The following CCDC7 variants were observed in gnomAD, a reference collection of about 807,000 sequenced individuals.
CCDC7 encodes coiled-coil domain-containing protein 7.
A neutral mutation model predicts 196.9 loss-of-function variants in CCDC7; 183 were observed. The ratio of observed to expected loss-of-function variants is 0.93; its 90% CI spans 0.82 to 1.05. The LOEUF is 1.05. Among genes scored for constraint, CCDC7 ranks in the 50% least tolerant of loss-of-function variants. The pLI is 0.00. For synonymous variants in CCDC7, 525 were observed against 484.6 expected (o/e 1.08, Z -1.10); for missense variants, 1,540 against 1,482.2 (o/e 1.04, Z -0.64).
At chr10:32,658,429 A>G (rs1421062177) in intron 20 of CCDC7, among the ~76,000 whole-genome samples, 1 of 131,282 alleles carries the variant, frequency 7.6e-6, no homozygotes, top group African/African-American at 3.1e-5. Flanking sequence ...GCAAAGGGGG[A>G]AAAACCTCTT....
chr10:32,854,594 A>G (rs2093681220), intron 41 of CCDC7, 105 bp downstream of exon 42: 1 of 700,456 alleles, frequency 1.4e-6, no homozygotes, highest in African/African-American at 1.9e-5. Context: ...TCTTCAAACA[A>G]CCAACCTTAT....
chr10:32,801,817 C>T (rs2084849175), intron 29 of CCDC7, among the ~76,000 whole-genome samples: 3 of 152,096 alleles, frequency 2.0e-5, no homozygotes, highest in African/African-American at 7.2e-5. Flanking sequence ...CTGATGGCAG[C>T]GTGGGTCATA....
chr10:32,821,185 T>A (rs1264834966), intron 31 of CCDC7, among the ~76,000 whole-genome samples: 1 of 152,198 alleles, frequency 6.6e-6, no homozygotes, highest in Non-Finnish European at 1.5e-5. Context: ...AGAAGACATT[T>A]ATGCAGCCAA....
chr10:32,818,013 A>G (rs1158942933), intron 31 of CCDC7, among the ~76,000 whole-genome samples: 1 of 152,234 alleles, frequency 6.6e-6, no homozygotes, highest in Non-Finnish European at 1.5e-5. Flanking sequence ...TAAATAGGCT[A>G]AATGCTCTAA....
At chr10:32,756,256 A>G (rs2076421398) in intron 28 of CCDC7, among the ~76,000 whole-genome samples, 1 of 152,188 alleles carries the variant, frequency 6.6e-6, no homozygotes, top group South Asian at 2.1e-4. Flanking sequence ...AATACAGAGA[A>G]CACCACAAAG....
chr10:32,511,254 TGGGGGGCGG>T lies in CCDC7; in HGVS notation c.873-6679_873-6671del, dbSNP rs1256578522. ...CTTGTCCTGCCACAGAATTATTCTG[TGGGGGGCGG>T]GGGGGGCGGGGAAATGTACTTTTTG... On this transcript the variant is annotated intron_variant, in intron 9 of 41. Coordinates refer to ENST00000639629, the Ensembl canonical transcript of CCDC7. The T allele has an allele frequency of 3.5e-5, 21 of 594,032 alleles. 2 individuals are homozygous for T. The highest frequency in any genetic ancestry group is 1.1e-4 in the African/African-American group (2 of 18,208). The allele number at this position is 594,032 out of a possible 1,614,324, so 36.8% of individuals were successfully genotyped here.
At chr10:32,806,000 G>A (rs961595063) in intron 30 of CCDC7, among the ~76,000 whole-genome samples, 3 of 152,160 alleles carry the variant, frequency 2.0e-5, no homozygotes, top group Admixed American at 6.5e-5. Context: ...AAGGGGGAAG[G>A]TGCTACATAC....
At chr10:32,700,143 G>C (rs1179618053) in intron 24 of CCDC7, among the ~76,000 whole-genome samples, 2 of 149,452 alleles carry the variant, frequency 1.3e-5, no homozygotes, top group Non-Finnish European at 2.9e-5. Flanking sequence ...CCTATGTCCT[G>C]AATGGTATTG....
At chr10:32,739,200 T>C (rs1178244814) in intron 28 of CCDC7, among the ~76,000 whole-genome samples, 1 of 152,100 alleles carries the variant, frequency 6.6e-6, no homozygotes, top group Non-Finnish European at 1.5e-5. Flanking sequence ...TCGAAAATTC[T>C]TAGCCATTAT....
chr10:32,526,010 G>A (rs907527127), intron 11 of CCDC7, among the ~76,000 whole-genome samples: 2 of 152,190 alleles, frequency 1.3e-5, no homozygotes, highest in Admixed American at 1.3e-4. Flanking sequence ...CTTCAGGGTG[G>A]TGTGTTCCCC....
chr10:32,511,593 G>A, intron 9 of CCDC7: 5 of 1,603,996 alleles, frequency 3.1e-6, no homozygotes, highest in Non-Finnish European at 4.3e-6. Flanking sequence ...GCTTGTTCAA[G>A]TGGATCCAAC....
chr10:32,458,455 TTGCATGTG>T lies in CCDC7; in HGVS notation c.456+2124_456+2131del, dbSNP rs370214761. Reference sequence around the variant, plus strand: ...TTTGAAGAGTATGTTGTGTGTGTGTTTGCATGTGTGTGTGTGTGTGTGTGTGCTTTTTT... The same window carrying T: ...TTTGAAGAGTATGTTGTGTGTGTGTTTGTGTGTGTGTGTGTGTGCTTTTTT... On this transcript the variant is annotated intron_variant, in intron 3 of 41. Coordinates refer to ENST00000639629, the Ensembl canonical transcript of CCDC7. 7.9e-3 allele frequency among the ~76,000 whole-genome samples: 457 copies of T among 58,188 alleles called. 2 individuals carry two copies. The highest frequency in any genetic ancestry group is 0.017 in the African/African-American group (417 of 24,018). The allele number at this position is 58,188 out of a possible 152,430, so 38.2% of individuals were successfully genotyped here.
At chr10:32,756,113 G>T (rs1488664972) in intron 28 of CCDC7, among the ~76,000 whole-genome samples, 1 of 152,168 alleles carries the variant, frequency 6.6e-6, no homozygotes, top group Non-Finnish European at 1.5e-5. Flanking sequence ...TATGGGAAAA[G>T]ACCAAATCTA....
intron 28 of CCDC7, among the ~76,000 whole-genome samples, chr10:32,772,344 G>C (rs992037227): frequency 6.6e-6 from 1 of 152,206 alleles, no homozygotes; most frequent in Admixed American, 6.5e-5. Context: ...ACAGCAGAAA[G>C]CTGAGTCCCA....
At chr10:32,852,767 TAAAAGGA>T (rs2093612094) in intron 40 of CCDC7, among the ~76,000 whole-genome samples, 1 of 151,980 alleles carries the variant, frequency 6.6e-6, no homozygotes. Context: ...ACATGCAATA[TAAAAGGA>T]AAAAGAAAAC....
chr10:32,729,458 G>C lies in CCDC7; in HGVS notation c.2905+1G>C. ...CAAGCTAAAGTAACTTCAAGAAAAAGTAAGTAATTATTTATAAATCTTATA... is the reference window on the plus strand; with the variant it reads ...CAAGCTAAAGTAACTTCAAGAAAAACTAAGTAATTATTTATAAATCTTATA... On this transcript the variant is annotated splice_donor_variant, in intron 28 of 41. Transcript: ENST00000639629. LOFTEE classifies it high-confidence loss of function. The C allele has an allele frequency of 8.3e-7, 1 of 1,197,932 alleles. No individual in the cohort carries two copies. The highest frequency in any genetic ancestry group is 1.5e-5 in the South Asian group (1 of 65,500). 74.2% of individuals were successfully genotyped at this position (1,197,932 alleles called of 1,614,324 possible).
chr10:32,848,087 G>C lies in CCDC7; in HGVS notation c.3772+171G>C, dbSNP rs535183651. 2.0e-5 allele frequency among the ~76,000 whole-genome samples: 3 copies of C among 152,232 alleles called. No individual in the cohort carries two copies. The East Asian group carries it at 5.8e-4, about 29-fold the overall frequency. On this transcript the variant is annotated intron_variant, in intron 38 of 41. Transcript: ENST00000639629. ...CGTATTATCAATGGGAAATTAGCTA[G>C]AAAGTTTTAAAACCTCTAGACAATG... is the stretch of plus-strand genomic sequence containing the variant.
chr10:32,834,852 A>T, exon 33 of CCDC7: 1 of 1,470,466 alleles, frequency 6.8e-7, no homozygotes, highest in Non-Finnish European at 9.5e-7. Flanking sequence ...TTAATGGAAA[A>T]GATATAATAA....
At chr10:32,460,526 C>T (rs2035405168) in intron 3 of CCDC7, among the ~76,000 whole-genome samples, 2 of 152,158 alleles carry the variant, frequency 1.3e-5, no homozygotes, top group Admixed American at 1.3e-4. Flanking sequence ...AGTTTCCCAT[C>T]AGGTTCCAGT....
Sources: allele counts gnomAD v4.1 joint callset (sites outside exome capture counted in the v4.1 genomes callset), GRCh38; gene constraint gnomAD v4.1.1; transcripts MANE v1.5; gene names NCBI Gene and HGNC (gene_info 2026-07-23, HGNC 2026-07-21).